Variants in TMEM18 observed in about 807,000 individuals in gnomAD.
TMEM18 encodes transmembrane protein 18.
Under a neutral mutation model 17.4 loss-of-function variants are expected in TMEM18, and 14 were observed. That is an observed-to-expected ratio of 0.80 (90% confidence interval 0.53 to 1.25). TMEM18 has a LOEUF of 1.25. TMEM18 is among the 50% of genes most tolerant of loss of function. TMEM18 has a pLI of 0.00. For synonymous variants in TMEM18, 86 were observed against 66.1 expected, an observed-to-expected ratio of 1.30 and a Z score of -1.46; for missense variants, 187 against 172.1, an observed-to-expected ratio of 1.09 and a Z score of -0.48.
chr2:666,469 G>A lies in TMEM18; in HGVS notation c.*3111C>T, dbSNP rs183057534. ...CAGGCCGCTGTGAAACTGGAACATC[G>A]GAGGAAGAGGAGCTAGAAAGCTTAC... On this transcript the variant is annotated 3_prime_UTR_variant, in exon 5 of 5. Coordinates refer to ENST00000281017, the MANE Select transcript of TMEM18 (RefSeq NM_152834.4). Among the ~76,000 whole-genome samples, 1 of 152,172 alleles carries A rather than the reference G, an allele frequency of 6.6e-6. No individual in the cohort carries two copies. The highest frequency in any genetic ancestry group is 2.4e-5 in the African/African-American group (1 of 41,428).
At chr2:675,703 C>A in intron 1 of TMEM18, 73 bp from the exon 2 acceptor site, 3 of 1,582,430 alleles carry the variant, frequency 1.9e-6, no homozygotes, top group Admixed American at 1.8e-5. Flanking sequence ...CCACAGCCTT[C>A]TCCCAGCGCA....
At chr2:675,223 A>G (rs1678966416) in intron 2 of TMEM18, among the ~76,000 whole-genome samples, 2 of 152,198 alleles carry the variant, frequency 1.3e-5, no homozygotes, top group Non-Finnish European at 2.9e-5. Flanking sequence ...ATCTTGTGTA[A>G]AAGACAGCAC....
At chr2:673,913 G>A (rs1045965368) in intron 2 of TMEM18, among the ~76,000 whole-genome samples, 1 of 151,946 alleles carries the variant, frequency 6.6e-6, no homozygotes, top group African/African-American at 2.4e-5. Context: ...AAGGTGGGGA[G>A]GGTGGTAGGC....
intron 1 of TMEM18, 148 bp from the exon 2 acceptor site, chr2:675,778 C>A: frequency 6.5e-7 from 1 of 1,533,390 alleles, no homozygotes; most frequent in Non-Finnish European, 8.7e-7. Flanking sequence ...GAGAGCATTG[C>A]CAGGCCTCAG....
chr2:676,126 G>C (rs1011089726), intron 1 of TMEM18: 17 of 1,324,526 alleles, frequency 1.3e-5, no homozygotes, highest in Admixed American at 1.1e-4. Flanking sequence ...AGGGAATCTT[G>C]AGCCATCGCC....
In TMEM18 at chr2:676,775, C is replaced by T. The variant is rs1057107477; in HGVS notation, c.57+514G>A. 5 of 863,992 alleles carry T rather than the reference C, an allele frequency of 5.8e-6. No homozygotes were observed. The South Asian group carries it at 6.7e-5, about 12-fold the overall frequency. The allele number at this position is 863,992 out of a possible 1,614,324, so 53.5% of individuals were successfully genotyped here. On this transcript the variant is annotated intron_variant, in intron 1 of 4. Transcript: ENST00000281017. ...CACGATCAGGCTCCACCACGCACGC[C>T]CCGCCGCACTGCCAGAATCCGCCCA...
chr2:668,345 T>C lies in TMEM18; in HGVS notation c.*1235A>G, dbSNP rs1241092395. The stretch of plus-strand genomic sequence containing the variant: ...TACAAACTCCCTGGTTTCTTTTCTG[T>C]CAGTGAAGTCAAATATCTACACAAC... On this transcript the variant is annotated 3_prime_UTR_variant, in exon 5 of 5. Transcript: ENST00000281017. 6.6e-6 allele frequency: 1 copy of C among 152,050 alleles called. No individual in the cohort carries two copies. Among genetic ancestry groups the C allele is most frequent in the Non-Finnish European group, 1.5e-5 (1 of 67,986 alleles). The allele number at this position is 152,050 out of a possible 1,614,324, so 9.4% of individuals were successfully genotyped here.
Position 665,091 on chromosome 2 carries a change from G to C in TMEM18, c.*4489C>G, listed in dbSNP as rs1481620075. On this transcript the variant is annotated 3_prime_UTR_variant, in exon 5 of 5. Coordinates refer to ENST00000281017, the MANE Select transcript of TMEM18 (RefSeq NM_152834.4). Reference sequence around the variant, plus strand: ...CCAAACATGGGTAAGGCAGAGGAAAGACCAGCACATGGAGGGCCAAGCTGT... The same window carrying C: ...CCAAACATGGGTAAGGCAGAGGAAACACCAGCACATGGAGGGCCAAGCTGT... Among the ~76,000 whole-genome samples the C allele has an allele frequency of 6.6e-6, 1 of 152,206 alleles. No individual in the cohort carries two copies. The highest frequency in any genetic ancestry group is 2.1e-4 in the South Asian group (1 of 4,828).
At position 668,056 on chromosome 2, in the gene TMEM18, G is replaced by A. The variant is rs1000305451; in HGVS notation, c.*1524C>T. 1 of 152,238 alleles carries A rather than the reference G, an allele frequency of 6.6e-6. No homozygotes were observed. Among genetic ancestry groups the A allele is most frequent in the South Asian group, 2.1e-4 (1 of 4,830 alleles). 9.4% of individuals were successfully genotyped at this position (152,238 alleles called of 1,614,324 possible). Reference sequence around the variant, plus strand: ...GAAACTTACAATCATGGCAGAGGGAGAAACAAGCACCTTCTTCACAAGGCA... The same window carrying A: ...GAAACTTACAATCATGGCAGAGGGAAAAACAAGCACCTTCTTCACAAGGCA... On this transcript the variant is annotated 3_prime_UTR_variant, in exon 5 of 5. Coordinates refer to ENST00000281017, the MANE Select transcript of TMEM18 (RefSeq NM_152834.4).
rs1005024918 is a variant in TMEM18, at chr2:664,534, A to G, written c.*5046T>C. 2.0e-4 allele frequency among the ~76,000 whole-genome samples: 30 copies of G among 152,270 alleles called. No individual in the cohort carries two copies. Among genetic ancestry groups the G allele is most frequent in the African/African-American group, 7.2e-4 (30 of 41,472 alleles). On this transcript the variant is annotated 3_prime_UTR_variant, in exon 5 of 5. Transcript: ENST00000281017. ...ACCAACAATCATTTGAAAAGCGTTAAACCTCACAGGTAACCACAGAAGTAC... is the reference window on the plus strand; with the variant it reads ...ACCAACAATCATTTGAAAAGCGTTAGACCTCACAGGTAACCACAGAAGTAC...
chr2:674,489 G>T (rs1000769716), intron 2 of TMEM18, among the ~76,000 whole-genome samples: 1 of 152,160 alleles, frequency 6.6e-6, no homozygotes, highest in African/African-American at 2.4e-5. Flanking sequence ...GATAACACAG[G>T]TCTGTGATGA....
intron 3 of TMEM18, among the ~76,000 whole-genome samples, chr2:671,258 G>C (rs958307979): frequency 6.6e-6 from 1 of 152,186 alleles, no homozygotes; most frequent in Non-Finnish European, 1.5e-5. Context: ...GGGCCAGAAA[G>C]GTGCTGCACC....
intron 2 of TMEM18, among the ~76,000 whole-genome samples, chr2:674,551 T>C (rs946187965): frequency 1.3e-5 from 2 of 152,216 alleles, no homozygotes; most frequent in African/African-American, 2.4e-5. Context: ...AGGAGCCCTG[T>C]CTGCCTGGTC....
rs1678763798 is a variant in TMEM18 at position 668,992 on chromosome 2, C to T, written c.*588G>A. 6.6e-6 allele frequency: 1 copy of T among 152,438 alleles called. No individual in the cohort carries two copies. Among genetic ancestry groups the T allele is most frequent in the Non-Finnish European group, 1.5e-5 (1 of 68,204 alleles). 9.4% of individuals were successfully genotyped at this position (152,438 alleles called of 1,614,324 possible). On this transcript the variant is annotated 3_prime_UTR_variant, in exon 5 of 5. Transcript: ENST00000281017. The stretch of plus-strand genomic sequence containing the variant: ...CTCTGCCCCAGCACAGCTGACATTT[C>T]ATGTCAAGTCATTGTCTGTGATGCG...
intron 1 of TMEM18, chr2:676,747 C>G (rs1013799431): frequency 1.8e-6 from 2 of 1,104,316 alleles, no homozygotes; most frequent in South Asian, 3.0e-5. Flanking sequence ...CCGTGCCACC[C>G]CACACGATCA....
chr2:666,693 C>T lies in TMEM18; in HGVS notation c.*2887G>A, dbSNP rs1678699943. On this transcript the variant is annotated 3_prime_UTR_variant, in exon 5 of 5. Transcript: ENST00000281017. ...CCCTGGGTGCTCTTCTCTGCCCTGG[C>T]TCGCTCCCTTCCTGCCTCCGAGAAC... Among the ~76,000 whole-genome samples, 1 of 152,172 alleles carries T rather than the reference C, an allele frequency of 6.6e-6. No homozygotes were observed. Among genetic ancestry groups the T allele is most frequent in the Non-Finnish European group, 1.5e-5 (1 of 68,028 alleles).
rs1678639064 is a variant in TMEM18, at chr2:664,924, A to C, written c.*4656T>G. On this transcript the variant is annotated 3_prime_UTR_variant, in exon 5 of 5. Transcript: ENST00000281017. The stretch of plus-strand genomic sequence containing the variant: ...TGTTTACTATGCAGGCATTGAAAAT[A>C]ATGTTATATAGTGAAATAGCATCAT... Among the ~76,000 whole-genome samples, 1 of 150,448 alleles carries C rather than the reference A, an allele frequency of 6.6e-6. No homozygotes were observed.
chr2:674,025 C>G (rs1477867641), intron 2 of TMEM18, among the ~76,000 whole-genome samples: 1 of 152,128 alleles, frequency 6.6e-6, no homozygotes, highest in Non-Finnish European at 1.5e-5. Flanking sequence ...CTTGATGGTG[C>G]TGGTTATAAG....
In TMEM18 at chr2:677,395, GA is replaced by G; in HGVS notation, c.-51del. The G allele has an allele frequency of 6.3e-7, 1 of 1,596,842 alleles. No individual in the cohort carries two copies. Among genetic ancestry groups the G allele is most frequent in the Non-Finnish European group, 8.5e-7 (1 of 1,173,044 alleles). ...GCAACCGCCGAACCCGGCCTGGCCA[GA>G]ATCCACAGAGGAGGGCGCCAAATCC... On this transcript the variant is annotated 5_prime_UTR_variant, in exon 1 of 5. Transcript: ENST00000281017.
Sources: allele counts gnomAD v4.1 joint callset (sites outside exome capture counted in the v4.1 genomes callset), GRCh38; gene constraint gnomAD v4.1.1; transcripts MANE v1.5; gene names NCBI Gene and HGNC (gene_info 2026-07-23, HGNC 2026-07-21).